SAMD4A: variants seen among roughly 807,000 people sequenced by gnomAD.
SAMD4A encodes the protein protein Smaug homolog 1.
In SAMD4A, 33 loss-of-function variants were observed where a neutral mutation model predicts 81.3. The observed-to-expected ratio is 0.41, with a 90% CI of 0.31 to 0.54. The LOEUF (loss-of-function observed/expected upper bound fraction) is 0.54. Among genes scored for constraint, SAMD4A ranks in the 20% least tolerant of loss-of-function variants. SAMD4A has a pLI of 0.37. For missense variants in SAMD4A, 854 were observed against 951.1 expected, an observed-to-expected ratio of 0.90 and a Z score of 1.34; for synonymous variants, 389 against 382.1, an observed-to-expected ratio of 1.02 and a Z score of -0.21.
chr14:54,780,475 G>C (rs7156736), intron 11 of SAMD4A, among the ~76,000 whole-genome samples: 1 of 152,196 alleles, frequency 6.6e-6, no homozygotes, highest in Non-Finnish European at 1.5e-5. Context: ...GTCCAGTGGG[G>C]TGTGGAAGGG....
rs151291200 is a variant in SAMD4A at position 54,681,790 on chromosome 14, G to A, written c.197-20272G>A. On this transcript the variant is annotated intron_variant, in intron 2 of 12. Coordinates refer to ENST00000554335, the MANE Select transcript of SAMD4A (RefSeq NM_015589.6). ...TGATGGAGCCCCAAATGAAAAATAT[G>A]CAGGGAGATGAGTTTAGCAGGGCTT... is the stretch of plus-strand genomic sequence containing the variant. 459 of 985,144 alleles carry A rather than the reference G, an allele frequency of 4.7e-4. 4 individuals are homozygous for A. In the African/African-American group the frequency reaches 7.2e-3, roughly 16 times the overall value. The allele number at this position is 985,144 out of a possible 1,614,324, so 61.0% of individuals were successfully genotyped here.
intron 4 of SAMD4A, among the ~76,000 whole-genome samples, chr14:54,742,962 C>T (rs539134943): frequency 6.6e-6 from 1 of 152,342 alleles, no homozygotes; most frequent in Admixed American, 6.5e-5. Flanking sequence ...ATGTGGTCTA[C>T]TCTGAAATAG....
At chr14:54,761,376 T>C (rs1190694311) in intron 7 of SAMD4A, among the ~76,000 whole-genome samples, 1 of 152,210 alleles carries the variant, frequency 6.6e-6, no homozygotes, top group East Asian at 1.9e-4. Flanking sequence ...TTTCATGTGA[T>C]GGTTCTCTCC....
intron 2 of SAMD4A, among the ~76,000 whole-genome samples, chr14:54,664,885 G>C (rs2035724558): frequency 6.6e-6 from 1 of 151,688 alleles, no homozygotes; most frequent in African/African-American, 2.4e-5. Flanking sequence ...TTTTTAAAGT[G>C]TGACTTAACA....
At chr14:54,678,478 T>TCAG in intron 2 of SAMD4A, among the ~76,000 whole-genome samples, 1 of 77,594 alleles carries the variant, frequency 1.3e-5, no homozygotes, top group Non-Finnish European at 3.3e-5. Context: ...TGTGTGTGTG[T>TCAG]GTGTGTGTGT....
At chr14:54,571,319 T>G (rs1206890253) in intron 2 of SAMD4A, among the ~76,000 whole-genome samples, 1 of 152,202 alleles carries the variant, frequency 6.6e-6, no homozygotes, top group African/African-American at 2.4e-5. Context: ...AGTTCTCTAG[T>G]ACAGTCTTGT....
intron 3 of SAMD4A, among the ~76,000 whole-genome samples, chr14:54,709,201 T>A (rs2036929265): frequency 6.6e-6 from 1 of 151,790 alleles, no homozygotes; most frequent in Admixed American, 6.5e-5. Context: ...CACTTGAGCC[T>A]GGGAGGTAGA....
chr14:54,672,020 GT>G (rs56900347), intron 2 of SAMD4A, among the ~76,000 whole-genome samples: 22,648 of 124,592 alleles, frequency 0.18, 1,955 homozygotes, highest in African/African-American at 0.27. Flanking sequence ...TGTTTATAGT[GT>G]TTTTTTTTTT....
chr14:54,713,068 C>T (rs2037031310), intron 3 of SAMD4A, among the ~76,000 whole-genome samples: 1 of 152,120 alleles, frequency 6.6e-6, no homozygotes, highest in Non-Finnish European at 1.5e-5. Context: ...AGCTGTTCTA[C>T]AAACAGACAG....
chr14:54,711,567 C>G (rs758759064), intron 3 of SAMD4A, among the ~76,000 whole-genome samples: 1 of 152,076 alleles, frequency 6.6e-6, no homozygotes, highest in Non-Finnish European at 1.5e-5. Flanking sequence ...GGTAGTATTT[C>G]TGCAATTTCT....
At chr14:54,754,772 C>T in intron 6 of SAMD4A, 2 of 964,708 alleles carry the variant, frequency 2.1e-6, no homozygotes, top group Non-Finnish European at 2.5e-6. Flanking sequence ...GGGGCCCCGC[C>T]CATAGTTAGT....
chr14:54,638,254 C>T (rs1055592071), intron 2 of SAMD4A, among the ~76,000 whole-genome samples: 18 of 152,160 alleles, frequency 1.2e-4, no homozygotes, highest in Admixed American at 7.9e-4. Context: ...ACGGGGGAGC[C>T]GCAGCACACG....
chr14:54,600,256 A>T (rs1230491430), intron 2 of SAMD4A, among the ~76,000 whole-genome samples: 1 of 152,190 alleles, frequency 6.6e-6, no homozygotes, highest in African/African-American at 2.4e-5. Flanking sequence ...ACTGTCATAA[A>T]CCCAGGCAGT....
chr14:54,627,675 C>T (rs61975137), intron 2 of SAMD4A, among the ~76,000 whole-genome samples: 12,972 of 152,292 alleles, frequency 0.085, 717 homozygotes, highest in Middle Eastern at 0.17. Flanking sequence ...CAGTTTTTTA[C>T]ATCCTTCCTT....
rs746129555 is a variant in SAMD4A, at chr14:54,770,168, G to T, written c.1661G>T (p.Arg554Leu). 3.1e-6 allele frequency: 5 copies of T among 1,614,024 alleles called. No homozygotes were observed. Among genetic ancestry groups the T allele is most frequent in the South Asian group, 1.1e-5 (1 of 91,058 alleles). ...SWKQQVQKLF[R>L]SFPRKTLLDI... ...AAACAGCAGGTGCAGAAGCTCTTTC[G>T]GTCTTTCCCTCGGAAAACCCTTCTA... Residue 554 changes from arginine to leucine, a missense_variant, in exon 9 of 13, where the codon CGG becomes CTG. Physicochemically the swap from Arg to Leu is moderately radical, Grantham distance 102. Transcript: ENST00000554335.
chr14:54,696,307 T>C (rs2036576884), intron 2 of SAMD4A, among the ~76,000 whole-genome samples: 1 of 152,216 alleles, frequency 6.6e-6, no homozygotes, highest in Non-Finnish European at 1.5e-5. Context: ...TTATCCACTT[T>C]TGAGTTGTGC....
chr14:54,626,037 TGTGTGTGTGTGTGTGTGTGTGTGCGCGC>T (rs2034740010), intron 2 of SAMD4A, among the ~76,000 whole-genome samples: 1 of 131,458 alleles, frequency 7.6e-6, no homozygotes, highest in South Asian at 2.3e-4. Context: ...TGTGTGTGTG[TGTGTGTGTGTGTGTGTGTGTGTGCGCGC>T]GCGCGCGCGC....
intron 2 of SAMD4A, among the ~76,000 whole-genome samples, chr14:54,636,704 G>T (rs2035042907): frequency 6.6e-6 from 1 of 152,110 alleles, no homozygotes; most frequent in Non-Finnish European, 1.5e-5. Context: ...TGGCAGATTG[G>T]ATATAGGGTG....
chr14:54,719,365 G>T (rs934741675), intron 3 of SAMD4A, among the ~76,000 whole-genome samples: 2 of 152,198 alleles, frequency 1.3e-5, no homozygotes, highest in Non-Finnish European at 2.9e-5. Context: ...TGGTGCTGGA[G>T]AAGTTTGCTT....
Sources: allele counts gnomAD v4.1 joint callset (sites outside exome capture counted in the v4.1 genomes callset), GRCh38; gene constraint gnomAD v4.1.1; transcripts MANE v1.5; gene names NCBI Gene and HGNC (gene_info 2026-07-23, HGNC 2026-07-21).